The following WWC2 variants were observed in gnomAD, a reference collection of about 807,000 sequenced individuals.
The protein encoded by WWC2 is WW and C2 domain containing 2.
In WWC2, 101 loss-of-function variants were observed where a neutral mutation model predicts 138.5. That is an observed-to-expected ratio of 0.73 (90% CI 0.62 to 0.86). The LOEUF (loss-of-function observed/expected upper bound fraction) is 0.86, where lower values mean the gene tolerates loss of function less well. Ranked by LOEUF, WWC2 falls within the 40% of genes least tolerant of loss-of-function variation. WWC2 has a pLI of 0.00. For synonymous variants in WWC2, 558 were observed against 538.4 expected (o/e 1.04, Z -0.50); for missense variants, 1,420 against 1,419.4 (o/e 1.00, Z -0.01).
At chr4:183,277,052 C>T (rs991578445) in intron 16 of WWC2, among the ~76,000 whole-genome samples, 97 of 151,018 alleles carry the variant, frequency 6.4e-4, no homozygotes, top group Non-Finnish European at 1.0e-3. Context: ...CATATGTATA[C>T]ATGTGCCATG....
chr4:183,277,301 G>C (rs1408724720), intron 16 of WWC2, among the ~76,000 whole-genome samples: 55 of 151,286 alleles, frequency 3.6e-4, no homozygotes, highest in African/African-American at 1.2e-3. Context: ...CCCTACAAAG[G>C]ACATGAACTC....
intron 1 of WWC2, among the ~76,000 whole-genome samples, chr4:183,154,453 T>C (rs1733739121): frequency 6.6e-6 from 1 of 152,172 alleles, no homozygotes; most frequent in Admixed American, 6.5e-5. Context: ...GAATATCTCG[T>C]GATGACCCTC....
intron 21 of WWC2, among the ~76,000 whole-genome samples, chr4:183,290,037 A>G (rs1308452526): frequency 6.6e-6 from 1 of 152,146 alleles, no homozygotes; most frequent in Non-Finnish European, 1.5e-5. Flanking sequence ...TGGATTTTCT[A>G]TAGATATCTT....
intron 1 of WWC2, among the ~76,000 whole-genome samples, chr4:183,115,710 T>G (rs1732388290): frequency 6.6e-6 from 1 of 152,198 alleles, no homozygotes; most frequent in Admixed American, 6.5e-5. Flanking sequence ...TTTTTGCTTG[T>G]TGGTTTGTTT....
At chr4:183,252,765 A>G (rs1737018219) in intron 8 of WWC2, among the ~76,000 whole-genome samples, 1 of 152,214 alleles carries the variant, frequency 6.6e-6, no homozygotes, top group Non-Finnish European at 1.5e-5. Flanking sequence ...CTTGTACACC[A>G]GTCGGGGCAC....
At chr4:183,287,826 G>A (rs528924600) in intron 20 of WWC2, among the ~76,000 whole-genome samples, 5 of 152,144 alleles carry the variant, frequency 3.3e-5, no homozygotes, top group Admixed American at 3.3e-4. Context: ...AATTGTGCTC[G>A]TCTCTTGCCA....
chr4:183,151,021 T>C (rs2111116403), intron 1 of WWC2, among the ~76,000 whole-genome samples: 1 of 152,294 alleles, frequency 6.6e-6, no homozygotes, highest in East Asian at 1.9e-4. Flanking sequence ...GTCTTTATAT[T>C]AGCATGATTT....
At chr4:183,101,257 G>A (rs1038984864) in intron 1 of WWC2, among the ~76,000 whole-genome samples, 15 of 152,200 alleles carry the variant, frequency 9.9e-5, no homozygotes, top group African/African-American at 2.7e-4. Flanking sequence ...AGGATTACAA[G>A]AATATGTAAT....
At chr4:183,222,181 TGGTG>T (rs1451819566) in intron 4 of WWC2, among the ~76,000 whole-genome samples, 2 of 152,224 alleles carry the variant, frequency 1.3e-5, no homozygotes, top group African/African-American at 4.8e-5. Context: ...GTTGTCGTCC[TGGTG>T]GTACATGATT....
chr4:183,319,598 A>G lies in WWC2; in HGVS notation c.*3869A>G. On this transcript the variant is annotated 3_prime_UTR_variant, in exon 23 of 23. Transcript: ENST00000403733. ...TGTTTCTCGTCTCCAGTTCTTGATGATGATCTTGTGTTTGTGCCACTGCGT... is the reference window on the plus strand; with the variant it reads ...TGTTTCTCGTCTCCAGTTCTTGATGGTGATCTTGTGTTTGTGCCACTGCGT... 1 of 1,613,616 alleles carries G rather than the reference A, an allele frequency of 6.2e-7. No homozygotes were observed. The highest frequency in any genetic ancestry group is 8.5e-7 in the Non-Finnish European group (1 of 1,179,828).
intron 1 of WWC2, among the ~76,000 whole-genome samples, chr4:183,116,961 T>A (rs1175653836): frequency 6.6e-6 from 1 of 152,198 alleles, no homozygotes; most frequent in African/African-American, 2.4e-5. Context: ...TTCAGTTCTT[T>A]TAGAGGCTGA....
chr4:183,224,012 G>T (rs1051051452), intron 4 of WWC2, among the ~76,000 whole-genome samples: 2 of 152,172 alleles, frequency 1.3e-5, no homozygotes, highest in African/African-American at 4.8e-5. Flanking sequence ...GATTACAGGT[G>T]TGTGCCACCG....
intron 1 of WWC2, among the ~76,000 whole-genome samples, chr4:183,183,557 G>A (rs1276909081): frequency 2.0e-5 from 3 of 152,098 alleles, no homozygotes; most frequent in Admixed American, 1.3e-4. Context: ...CAGCGAGGGC[G>A]GATCACTTGA....
intron 4 of WWC2, among the ~76,000 whole-genome samples, chr4:183,228,381 G>A (rs1427895448): frequency 6.6e-6 from 1 of 152,036 alleles, no homozygotes; most frequent in African/African-American, 2.4e-5. Context: ...TTAAAAATTA[G>A]TATAGAATAG....
chr4:183,257,369 A>G (rs1737183373), intron 9 of WWC2, among the ~76,000 whole-genome samples: 1 of 152,184 alleles, frequency 6.6e-6, no homozygotes, highest in African/African-American at 2.4e-5. Context: ...TTCTGAGTTC[A>G]GGAGAAACCA....
Position 183,107,487 on chromosome 4 carries a change from G to A in WWC2, c.131+7865G>A, listed in dbSNP as rs1315070876. ...TTTTTAAAAAGTTATTTTAGTGGGT[G>A]TGAGGTAGGATCTTACTGTGGTGTT... On this transcript the variant is annotated intron_variant, in intron 1 of 22. Coordinates refer to ENST00000403733, the MANE Select transcript of WWC2 (RefSeq NM_024949.6). Among the ~76,000 whole-genome samples, 3 of 152,264 alleles carry A rather than the reference G, an allele frequency of 2.0e-5. No individual in the cohort carries two copies. The East Asian group carries it at 5.8e-4, about 29-fold the overall frequency.
At chr4:183,109,578 G>T (rs973505149) in intron 1 of WWC2, among the ~76,000 whole-genome samples, 1 of 152,148 alleles carries the variant, frequency 6.6e-6, no homozygotes, top group Non-Finnish European at 1.5e-5. Flanking sequence ...CCTCACATGT[G>T]CAGTTCATTA....
Position 183,289,620 on chromosome 4 carries a change from G to A in WWC2, c.3369G>A (p.Lys1123=). 6.2e-7 allele frequency: 1 copy of A among 1,613,900 alleles called. No homozygotes were observed. The highest frequency in any genetic ancestry group is 2.2e-5 in the East Asian group (1 of 44,880). Residue 1123 remains lysine, a synonymous_variant, in exon 21 of 23, where the codon AAG becomes AAA. Coordinates refer to ENST00000403733, the MANE Select transcript of WWC2 (RefSeq NM_024949.6). The stretch of plus-strand genomic sequence containing the variant: ...ATGAGAGGTTCCAGAGGCTTCTGAA[G>A]CAAGCTGAGAAGCAGGTACGCAGCT... ...LEDERFQRLL[K]QAEKQAEQSK... is the part of the protein sequence containing the mutation.
At chr4:183,279,113 GT>G (rs1737975129) in intron 16 of WWC2, among the ~76,000 whole-genome samples, 1 of 152,052 alleles carries the variant, frequency 6.6e-6, no homozygotes, top group Non-Finnish European at 1.5e-5. Context: ...TTGGCTGTGG[GT>G]TTGTCATAGA....
Sources: allele counts gnomAD v4.1 joint callset (sites outside exome capture counted in the v4.1 genomes callset), GRCh38; gene constraint gnomAD v4.1.1; transcripts MANE v1.5; gene names NCBI Gene and HGNC (gene_info 2026-07-23, HGNC 2026-07-21).